Variants in PTPN13 observed in about 807,000 individuals in gnomAD.
PTPN13 encodes the protein tyrosine-protein phosphatase non-receptor type 13.
In PTPN13, 191 loss-of-function variants were observed where a neutral mutation model predicts 284.0. That is an observed-to-expected ratio of 0.67 (90% CI 0.60 to 0.76). The LOEUF (loss-of-function observed/expected upper bound fraction) is 0.76, where lower values mean the gene tolerates loss of function less well. PTPN13 is among the 30% of genes least tolerant of loss of function. The pLI is 0.00. For synonymous variants in PTPN13, 986 were observed against 1,022.3 expected, an observed-to-expected ratio of 0.96 and a Z score of 0.68; for missense variants, 2,797 against 2,939.9, an observed-to-expected ratio of 0.95 and a Z score of 1.12.
intron 2 of PTPN13, among the ~76,000 whole-genome samples, chr4:86,666,041 T>C (rs1460474449): frequency 6.6e-6 from 1 of 152,150 alleles, no homozygotes; most frequent in Non-Finnish European, 1.5e-5. Flanking sequence ...GCCTTACCTA[T>C]GATGTAACAA....
rs908636826 is a variant in PTPN13, at chr4:86,630,664, A to T, written c.-5-4588A>T. 4.6e-5 allele frequency among the ~76,000 whole-genome samples: 7 copies of T among 152,238 alleles called. No individual in the cohort carries two copies. The South Asian group carries it at 1.0e-3, about 23-fold the overall frequency. ...TGGATGGTGAGTGAATCCTTGCTCA[A>T]ACTAGTGGCATACACAGAGCTCCAT... On this transcript the variant is annotated intron_variant, in intron 1 of 47. Coordinates refer to ENST00000411767, the MANE Select transcript of PTPN13 (RefSeq NM_080683.3).
intron 2 of PTPN13, among the ~76,000 whole-genome samples, chr4:86,662,421 T>C (rs1262217143): frequency 1.3e-5 from 2 of 152,158 alleles, no homozygotes; most frequent in African/African-American, 4.8e-5. Context: ...AACCCCCGCC[T>C]CCCAAGTTCA....
intron 47 of PTPN13, among the ~76,000 whole-genome samples, chr4:86,814,164 G>T (rs1004485821): frequency 6.6e-6 from 1 of 151,362 alleles, no homozygotes. Flanking sequence ...GTGCCACGAC[G>T]CCCAGCTAAT....
chr4:86,756,309 T>G (rs1737963869), intron 20 of PTPN13, among the ~76,000 whole-genome samples: 1 of 152,054 alleles, frequency 6.6e-6, no homozygotes, highest in Non-Finnish European at 1.5e-5. Context: ...TCTGTGTTGT[T>G]TTGTATTTGT....
rs565360978 is a variant in PTPN13, at chr4:86,771,665, C to T, written c.5168+130C>T. 8.0e-6 allele frequency: 8 copies of T among 1,006,000 alleles called. No individual in the cohort carries two copies. The African/African-American group carries it at 1.3e-4, about 16-fold the overall frequency. 62.3% of individuals were successfully genotyped at this position (1,006,000 alleles called of 1,614,324 possible). On this transcript the variant is annotated intron_variant, in intron 31 of 47. Transcript: ENST00000411767. ...TTCACAGTGGTTAGGCAGAGGATGA[C>T]TCTATTGGATGTCTAGCTATTGTGA...
intron 33 of PTPN13, among the ~76,000 whole-genome samples, chr4:86,774,779 T>C (rs945218155): frequency 6.6e-6 from 1 of 151,620 alleles, no homozygotes; most frequent in Non-Finnish European, 1.5e-5. Flanking sequence ...GTTTGTTACA[T>C]ATGTATACAT....
chr4:86,614,961 G>A (rs1360982721), intron 1 of PTPN13, among the ~76,000 whole-genome samples: 1 of 152,096 alleles, frequency 6.6e-6, no homozygotes, highest in Non-Finnish European at 1.5e-5. Context: ...TCTAGATTCT[G>A]ATTATTAACT....
At chr4:86,690,402 T>C (rs1729896445) in intron 5 of PTPN13, 1 of 152,154 alleles carries the variant, frequency 6.6e-6, no homozygotes, top group Non-Finnish European at 1.5e-5. Context: ...TTAAAGGAAA[T>C]TAAATGTATT....
At chr4:86,605,975 T>A (rs1470448661) in intron 1 of PTPN13, among the ~76,000 whole-genome samples, 1 of 151,758 alleles carries the variant, frequency 6.6e-6, no homozygotes, top group Admixed American at 6.6e-5. Context: ...AAGAGTAAAG[T>A]GAAAGAAATT....
chr4:86,742,805 A>G (rs1039293867), intron 16 of PTPN13, among the ~76,000 whole-genome samples: 1 of 152,212 alleles, frequency 6.6e-6, no homozygotes, highest in Non-Finnish European at 1.5e-5. Flanking sequence ...AGATTGATTA[A>G]TTATAAATCC....
Position 86,716,549 on chromosome 4 carries a change from A to C in PTPN13, c.1215A>C (p.Lys405Asn). ...TTTTAGAACCAGTTCGAAGATACAA[A>C]ACTTATCATGGTGATGTCTTTAGTA... ...MNVEEPVRRYKTYHGDVFSTS... is the reference protein window; with the variant it reads ...MNVEEPVRRYNTYHGDVFSTS... Residue 405 changes from lysine to asparagine, a missense_variant, in exon 8 of 48, where the codon AAA becomes AAC. Coordinates refer to ENST00000411767, the MANE Select transcript of PTPN13 (RefSeq NM_080683.3). 1 of 1,590,930 alleles carries C rather than the reference A, an allele frequency of 6.3e-7. No homozygotes were observed.
intron 2 of PTPN13, among the ~76,000 whole-genome samples, chr4:86,654,951 A>T (rs1442403248): frequency 6.6e-6 from 1 of 152,180 alleles, no homozygotes; most frequent in Non-Finnish European, 1.5e-5. Flanking sequence ...TATATTTAGG[A>T]CAGTTAACTC....
chr4:86,736,415 C>T (rs1735515254), intron 15 of PTPN13, among the ~76,000 whole-genome samples: 2 of 152,078 alleles, frequency 1.3e-5, no homozygotes, highest in African/African-American at 4.8e-5. Context: ...GTTTTAGCTT[C>T]CTAGGATGTA....
intron 32 of PTPN13, among the ~76,000 whole-genome samples, chr4:86,773,490 C>G (rs1370585066): frequency 1.3e-5 from 2 of 151,984 alleles, no homozygotes; most frequent in East Asian, 3.9e-4. Flanking sequence ...AACTTCTAAA[C>G]CTACAAATAA....
intron 10 of PTPN13, among the ~76,000 whole-genome samples, chr4:86,725,497 A>G (rs1206402819): frequency 6.7e-6 from 1 of 149,284 alleles, no homozygotes; most frequent in East Asian, 1.9e-4. Flanking sequence ...CTGACTTTTT[A>G]ATGATTGCTT....
At chr4:86,731,666 T>C (rs1734972417) in intron 10 of PTPN13, among the ~76,000 whole-genome samples, 1 of 152,096 alleles carries the variant, frequency 6.6e-6, no homozygotes, top group Admixed American at 6.6e-5. Flanking sequence ...TTTTTAGAGG[T>C]AGGGTCTTAC....
rs377557857 is a variant in PTPN13 at position 86,807,858 on chromosome 4, G to A, written c.7044G>A (p.Lys2348=). The change falls in exon 45 of 48, where the codon AAG becomes AAA. Residue 2348 remains lysine, a synonymous_variant. Coordinates refer to ENST00000411767, the MANE Select transcript of PTPN13 (RefSeq NM_080683.3). ...RLALVRMQQL[K]GFVVRAMTLE... ...CTCTTGTGAGAATGCAGCAGCTGAA[G>A]GGCTTTGTGGTGAGGGCAATGACCC... is the stretch of plus-strand genomic sequence containing the variant. 2.6e-5 allele frequency: 42 copies of A among 1,613,934 alleles called. No individual in the cohort carries two copies. The African/African-American group carries it at 3.7e-4, about 14-fold the overall frequency.
chr4:86,813,028 C>T (rs1404968161), intron 47 of PTPN13, among the ~76,000 whole-genome samples: 1 of 151,966 alleles, frequency 6.6e-6, no homozygotes, highest in African/African-American at 2.4e-5. Context: ...TATGTGGTGT[C>T]AGAGAAAGAG....
chr4:86,730,216 C>T (rs1165579862), intron 10 of PTPN13, among the ~76,000 whole-genome samples: 2 of 149,574 alleles, frequency 1.3e-5, no homozygotes, highest in Non-Finnish European at 3.0e-5. Context: ...CCCAGAGGGG[C>T]ACCCAACCGT....
Sources: allele counts gnomAD v4.1 joint callset (sites outside exome capture counted in the v4.1 genomes callset), GRCh38; gene constraint gnomAD v4.1.1; transcripts MANE v1.5; gene names NCBI Gene and HGNC (gene_info 2026-07-23, HGNC 2026-07-21).